FAT4: variants seen among roughly 807,000 people sequenced by gnomAD.
The protein encoded by FAT4 is FAT atypical cadherin 4.
FAT4 carries 84 observed loss-of-function variants against 303.9 expected under a neutral mutation model. That is an observed-to-expected ratio of 0.28 (90% CI 0.23 to 0.33). The LOEUF is 0.33. Among genes scored for constraint, FAT4 ranks in the 10% least tolerant of loss-of-function variants. The pLI is 1.00. For synonymous variants in FAT4, 2,307 were observed against 2,298.8 expected, an observed-to-expected ratio of 1.00 and a Z score of -0.10; for missense variants, 6,005 against 6,146.8, an observed-to-expected ratio of 0.98 and a Z score of 0.77.
intron 5 of FAT4, among the ~76,000 whole-genome samples, chr4:125,413,625 A>T (rs1734929816): frequency 8.5e-6 from 1 of 117,198 alleles, no homozygotes; most frequent in Admixed American, 9.9e-5. Context: ...GTTTTTAAAA[A>T]CATTGAGTTC....
intron 9 of FAT4, 87 bp downstream of exon 9, chr4:125,446,630 C>T: frequency 1.5e-6 from 2 of 1,299,252 alleles, no homozygotes; most frequent in Non-Finnish European, 2.0e-6. Context: ...ATTTTACATA[C>T]ATATTTCTGA....
rs767319999 is a variant in FAT4 at position 125,446,337 on chromosome 4, C to T, written c.7244C>T (p.Ser2415Leu). ...AACTCTCAGTTCACGATCAACCCAT[C>T]GACAGGACAAATCATCACCAGCGCA... ...GGNSQFTINP[S>L]TGQIITSALL... The change falls in exon 9 of 18, where the codon TCG (serine) becomes TTG (leucine). Residue 2415 changes from serine (S) to leucine (L), a missense_variant. Transcript: ENST00000394329. 1.2e-6 allele frequency: 2 copies of T among 1,613,086 alleles called. No individual in the cohort carries two copies. Among genetic ancestry groups the T allele is most frequent in the African/African-American group, 1.3e-5 (1 of 74,980 alleles).
intron 16 of FAT4, 25 bp from the exon 17 acceptor site, chr4:125,487,320 A>T (rs774428433): frequency 6.3e-7 from 1 of 1,583,504 alleles, no homozygotes. Context: ...TTTTAATTGC[A>T]TACTATTTTT....
intron 9 of FAT4, among the ~76,000 whole-genome samples, chr4:125,448,199 CAA>C (rs1223522473): frequency 6.6e-6 from 1 of 152,030 alleles, no homozygotes; most frequent in African/African-American, 2.4e-5. Flanking sequence ...AGGCTTCTCT[CAA>C]AGGCATACTG....
At chr4:125,459,089 C>T (rs1726393566) in intron 10 of FAT4, among the ~76,000 whole-genome samples, 1 of 151,856 alleles carries the variant, frequency 6.6e-6, no homozygotes. Flanking sequence ...CACATATTCT[C>T]CCATCTCCTC....
intron 2 of FAT4, among the ~76,000 whole-genome samples, chr4:125,334,832 T>C (rs954348103): frequency 1.4e-4 from 21 of 152,180 alleles, no homozygotes; most frequent in African/African-American, 4.8e-4. Context: ...TTTTTTAAGA[T>C]AGTACTTTAA....
At chr4:125,388,520 C>A (rs1733851546) in intron 2 of FAT4, among the ~76,000 whole-genome samples, 1 of 152,098 alleles carries the variant, frequency 6.6e-6, no homozygotes, top group Admixed American at 6.6e-5. Flanking sequence ...CTACAGGACG[C>A]ATTTGTAGGG....
chr4:125,401,540 A>G (rs1049660083), intron 3 of FAT4, among the ~76,000 whole-genome samples: 1 of 151,906 alleles, frequency 6.6e-6, no homozygotes, highest in Non-Finnish European at 1.5e-5. Context: ...CTTTTCATTA[A>G]TTACTTTACC....
At chr4:125,405,849 G>T (rs1415454316) in intron 3 of FAT4, among the ~76,000 whole-genome samples, 1 of 151,954 alleles carries the variant, frequency 6.6e-6, no homozygotes, top group Non-Finnish European at 1.5e-5. Context: ...ATCTATATAA[G>T]ACCTTAACCA....
At chr4:125,327,374 G>A (rs949401794) in intron 2 of FAT4, among the ~76,000 whole-genome samples, 3 of 152,310 alleles carry the variant, frequency 2.0e-5, no homozygotes, top group Admixed American at 2.0e-4. Flanking sequence ...TAATGATGGG[G>A]TTGGAGTGGA....
At position 125,334,881 on chromosome 4, in the gene FAT4, A is replaced by G. The variant is rs1377358438; in HGVS notation, c.5175+13295A>G. Among the ~76,000 whole-genome samples, 4 of 152,150 alleles carry G rather than the reference A, an allele frequency of 2.6e-5. No homozygotes were observed. The East Asian group carries it at 5.8e-4, about 22-fold the overall frequency. ...AACATTAAAATACCAATTCATGTAT[A>G]GTATAGCTATGTGGAACAGAACAGC... On this transcript the variant is annotated intron_variant, in intron 2 of 17. Transcript: ENST00000394329.
chr4:125,378,810 A>C (rs1733430844), intron 2 of FAT4, among the ~76,000 whole-genome samples: 1 of 152,186 alleles, frequency 6.6e-6, no homozygotes, highest in African/African-American at 2.4e-5. Context: ...TATGAAAATT[A>C]AGAATAAAAA....
chr4:125,419,018 T>G (rs1393964522), intron 7 of FAT4, among the ~76,000 whole-genome samples: 1 of 152,178 alleles, frequency 6.6e-6, no homozygotes, highest in Non-Finnish European at 1.5e-5. Context: ...TATCATGTAG[T>G]TAAATACATA....
chr4:125,477,215 C>A lies in FAT4; in HGVS notation c.12360C>A (p.Ile4120=). The change falls in exon 14 of 18, where the codon ATC becomes ATA. Residue 4120 remains isoleucine, a synonymous_variant. Transcript: ENST00000394329. ...GAGGTATCAGATCTCTAGAACCAATCCTTCAGAGAAGAGGACACGTGGAAA... is the reference window on the plus strand; with the variant it reads ...GAGGTATCAGATCTCTAGAACCAATACTTCAGAGAAGAGGACACGTGGAAA... The part of the protein sequence containing the change: ...TVGGIRSLEP[I]LQRRGHVESH... The A allele has an allele frequency of 6.6e-7, 1 of 1,522,364 alleles. No individual in the cohort carries two copies. The highest frequency in any genetic ancestry group is 8.9e-7 in the Non-Finnish European group (1 of 1,129,744). The allele number at this position is 1,522,364 out of a possible 1,614,324, so 94.3% of individuals were successfully genotyped here.
At chr4:125,368,916 C>T (rs983959356) in intron 2 of FAT4, among the ~76,000 whole-genome samples, 4 of 152,118 alleles carry the variant, frequency 2.6e-5, no homozygotes, top group African/African-American at 7.2e-5. Context: ...TGTTGCTGTA[C>T]ACCCTTTAGA....
At chr4:125,472,044 G>C (rs1726881942) in intron 12 of FAT4, among the ~76,000 whole-genome samples, 1 of 141,884 alleles carries the variant, frequency 7.0e-6, no homozygotes, top group African/African-American at 2.6e-5. Context: ...CTGCACGCCA[G>C]CCTGGGTGAC....
chr4:125,368,752 A>C (rs931906865), intron 2 of FAT4, among the ~76,000 whole-genome samples: 1 of 151,698 alleles, frequency 6.6e-6, no homozygotes, highest in East Asian at 1.9e-4. Flanking sequence ...AGAGAGAGAG[A>C]GAGAAAGAGA....
At chr4:125,348,769 C>A (rs1355851230) in intron 2 of FAT4, among the ~76,000 whole-genome samples, 1 of 151,614 alleles carries the variant, frequency 6.6e-6, no homozygotes, top group African/African-American at 2.4e-5. Context: ...AAGCCGACAT[C>A]TTTTTCCTAA....
chr4:125,355,103 T>G (rs914109715), intron 2 of FAT4, among the ~76,000 whole-genome samples: 1 of 151,944 alleles, frequency 6.6e-6, no homozygotes, highest in African/African-American at 2.4e-5. Flanking sequence ...TCATCAAAAA[T>G]TTATATTTTT....
Sources: gnomAD v4.1 joint callset for allele counts (sites outside exome capture counted in the v4.1 genomes callset) on GRCh38, gnomAD v4.1.1 for gene constraint, MANE v1.5 for transcripts, NCBI Gene and HGNC (gene_info 2026-07-23, HGNC 2026-07-21) for gene names.